WDR89: variants seen among roughly 807,000 people sequenced by gnomAD.
WDR89 encodes the protein WD repeat-containing protein 89.
WDR89 carries 17 observed loss-of-function variants against 29.1 expected under a neutral mutation model. The ratio of observed to expected loss-of-function variants is 0.58; its 90% CI spans 0.40 to 0.88. The LOEUF (loss-of-function observed/expected upper bound fraction) is 0.88. Ranked by LOEUF, WDR89 falls within the 40% of genes least tolerant of loss-of-function variation. The probability of loss-of-function intolerance (pLI) is 0.00; values close to 1 mark genes in which losing one functional copy is unlikely to be tolerated. For synonymous variants in WDR89, 138 were observed against 157.8 expected (o/e 0.87, Z 0.94); for missense variants, 396 against 456.3 (o/e 0.87, Z 1.20).
intron 2 of WDR89, among the ~76,000 whole-genome samples, chr14:63,615,393 A>G (rs1397778228): frequency 1.3e-5 from 2 of 152,256 alleles, no homozygotes; most frequent in South Asian, 2.1e-4. Flanking sequence ...TTGGTACTAC[A>G]TGTTTACTAT....
In WDR89 at chr14:63,599,705, T is replaced by C. The variant is rs745579304; in HGVS notation, c.238A>G (p.Asn80Asp). ...PGLLNGVRFA[N>D]SCDSVYSACT... Reference sequence around the variant, plus strand: ...GCTGAATATACACTGTCACAGGAATTTGCAAATCTGACTCCATTAAGAAGT... The same window carrying C: ...GCTGAATATACACTGTCACAGGAATCTGCAAATCTGACTCCATTAAGAAGT... The change falls in exon 3 of 3, where the codon AAT (asparagine) becomes GAT (aspartate). Residue 80 changes from asparagine to aspartate, a missense_variant. Coordinates refer to ENST00000620954, the MANE Select transcript of WDR89 (RefSeq NM_080666.4). The C allele has an allele frequency of 1.9e-6, 3 of 1,614,204 alleles. No homozygotes were observed. The highest frequency in any genetic ancestry group is 2.5e-6 in the Non-Finnish European group (3 of 1,180,040).
chr14:63,612,222 T>A (rs1882031870), intron 2 of WDR89, among the ~76,000 whole-genome samples: 1 of 152,058 alleles, frequency 6.6e-6, no homozygotes, highest in Non-Finnish European at 1.5e-5. Context: ...TAATCTAGCT[T>A]CATAATAAAC....
intron 2 of WDR89, among the ~76,000 whole-genome samples, chr14:63,620,897 C>CAAAAAAAAAAA (rs539451063): frequency 1.2e-4 from 10 of 82,946 alleles, no homozygotes; most frequent in African/African-American, 4.7e-4. Context: ...GACTCCATCT[C>CAAAAAAAAAAA]AAAAAAAAAA....
At chr14:63,636,798 T>C (rs756558144) in intron 1 of WDR89, among the ~76,000 whole-genome samples, 1 of 152,166 alleles carries the variant, frequency 6.6e-6, no homozygotes, top group Non-Finnish European at 1.5e-5. Flanking sequence ...ACCTAAGACC[T>C]GAAACTAACA....
At chr14:63,640,877 C>T (rs963325788) in intron 1 of WDR89, among the ~76,000 whole-genome samples, 1 of 150,388 alleles carries the variant, frequency 6.6e-6, no homozygotes, top group African/African-American at 2.4e-5. Flanking sequence ...GCGAGTGGAT[C>T]ACCTGAAGTC....
chr14:63,635,954 C>T (rs1412308161), intron 1 of WDR89, among the ~76,000 whole-genome samples: 1 of 152,164 alleles, frequency 6.6e-6, no homozygotes, highest in Non-Finnish European at 1.5e-5. Context: ...AGCCTATAAT[C>T]CCAGCACTTT....
intron 1 of WDR89, among the ~76,000 whole-genome samples, chr14:63,637,584 A>G (rs569634940): frequency 2.6e-5 from 4 of 152,270 alleles, no homozygotes; most frequent in East Asian, 1.9e-4. Flanking sequence ...ATGTGTGTGT[A>G]TATATATGTG....
At position 63,598,911 on chromosome 14, in the gene WDR89, CTG is replaced by C; in HGVS notation, c.1030_1031del (p.Gln344ValfsTer33). 11 of 1,614,194 alleles carry C rather than the reference CTG, an allele frequency of 6.8e-6. No individual in the cohort carries two copies. Among genetic ancestry groups the C allele is most frequent in the Non-Finnish European group, 8.5e-6 (10 of 1,180,032 alleles). The stretch of plus-strand genomic sequence containing the variant: ...TAGCTCCAGGTTTCCAAAGTAACAA[CTG>C]TGCATCTTCTCCTCCAGTCAACAAA... ...DSLLTGGEDA[Q>X]LLLWKPGAIE... On this transcript the variant is annotated frameshift_variant, in exon 3 of 3. Coordinates refer to ENST00000620954, the MANE Select transcript of WDR89 (RefSeq NM_080666.4). LOFTEE classifies it high-confidence loss of function.
chr14:63,612,982 A>G (rs1381112635), intron 2 of WDR89, among the ~76,000 whole-genome samples: 1 of 152,204 alleles, frequency 6.6e-6, no homozygotes, highest in Non-Finnish European at 1.5e-5. Context: ...GTCCCCCAGC[A>G]AGGACTGTGT....
At chr14:63,601,835 G>C (rs959314919) in intron 2 of WDR89, 3 of 897,506 alleles carry the variant, frequency 3.3e-6, no homozygotes, top group Admixed American at 3.6e-5. Context: ...TATTGAAATG[G>C]CATCAACATG....
chr14:63,601,406 T>C (rs1321845116), intron 2 of WDR89: 1 of 700,316 alleles, frequency 1.4e-6, no homozygotes, highest in Non-Finnish European at 2.4e-6. Flanking sequence ...CAGGGTGGGC[T>C]GTATGTAGGA....
chr14:63,633,178 C>T (rs948116047), intron 1 of WDR89, among the ~76,000 whole-genome samples: 1 of 151,908 alleles, frequency 6.6e-6, no homozygotes, highest in Admixed American at 6.6e-5. Context: ...CAAATGATAA[C>T]CTGCAGAATA....
At chr14:63,626,549 C>T (rs563448345) in intron 1 of WDR89, among the ~76,000 whole-genome samples, 2 of 150,902 alleles carry the variant, frequency 1.3e-5, no homozygotes, top group African/African-American at 4.9e-5. Flanking sequence ...TGGTGGTGCA[C>T]GCCTGTAATC....
chr14:63,630,963 A>G (rs1883362125), intron 1 of WDR89, among the ~76,000 whole-genome samples: 1 of 151,980 alleles, frequency 6.6e-6, no homozygotes, highest in Non-Finnish European at 1.5e-5. Flanking sequence ...TTTTTTTTGT[A>G]GACACAAGGT....
chr14:63,621,484 G>A (rs1335527496), intron 2 of WDR89, among the ~76,000 whole-genome samples: 1 of 152,058 alleles, frequency 6.6e-6, no homozygotes, highest in Non-Finnish European at 1.5e-5. Context: ...TGTAATCCCA[G>A]CTACTAGGGA....
intron 1 of WDR89, among the ~76,000 whole-genome samples, chr14:63,626,676 CA>C (rs35582220): frequency 4.9e-3 from 168 of 34,528 alleles, no homozygotes; most frequent in East Asian, 0.015. Context: ...GAGACTGTCT[CA>C]AAAAAAAAAA....
At chr14:63,628,415 A>G (rs915226322) in intron 1 of WDR89, among the ~76,000 whole-genome samples, 1 of 152,234 alleles carries the variant, frequency 6.6e-6, no homozygotes, top group African/African-American at 2.4e-5. Context: ...ATTTCAACTC[A>G]GCTATAAAGA....
intron 1 of WDR89, among the ~76,000 whole-genome samples, chr14:63,628,181 G>A (rs893816319): frequency 3.3e-5 from 5 of 152,180 alleles, no homozygotes; most frequent in South Asian, 2.1e-4. Context: ...GAGGCTATGC[G>A]ATCAATCAGG....
intron 2 of WDR89, among the ~76,000 whole-genome samples, chr14:63,622,496 G>A (rs1320536756): frequency 3.3e-5 from 5 of 152,302 alleles, no homozygotes; most frequent in South Asian, 4.1e-4. Context: ...CAGGAGAATC[G>A]CTTGAACCCA....
Sources: gnomAD v4.1 joint callset for allele counts (sites outside exome capture counted in the v4.1 genomes callset) on GRCh38, gnomAD v4.1.1 for gene constraint, MANE v1.5 for transcripts, NCBI Gene and HGNC (gene_info 2026-07-23, HGNC 2026-07-21) for gene names.